The following ATP8B4 variants were observed in gnomAD, a reference collection of about 807,000 sequenced individuals.
ATP8B4 encodes ATPase phospholipid transporting 8B4 (putative).
A neutral mutation model predicts 145.6 loss-of-function variants in ATP8B4; 133 were observed. The observed-to-expected ratio is 0.91, with a 90% CI of 0.79 to 1.05. ATP8B4 has a LOEUF of 1.05. Ranked by LOEUF, ATP8B4 falls within the 50% of genes least tolerant of loss-of-function variation. The pLI, the probability that ATP8B4 is intolerant of heterozygous loss-of-function variation, is 0.00. For missense variants in ATP8B4, 1,458 were observed against 1,425.2 expected, an observed-to-expected ratio of 1.02 and a Z score of -0.37; for synonymous variants, 507 against 492.9, an observed-to-expected ratio of 1.03 and a Z score of -0.38.
At chr15:49,970,833 A>C (rs940766151) in intron 13 of ATP8B4, among the ~76,000 whole-genome samples, 2 of 152,198 alleles carry the variant, frequency 1.3e-5, no homozygotes, top group Non-Finnish European at 2.9e-5. Flanking sequence ...AAGCAAAAAG[A>C]ACAAAGCTGG....
chr15:50,082,855 T>C (rs2054642373), intron 2 of ATP8B4, among the ~76,000 whole-genome samples: 1 of 152,226 alleles, frequency 6.6e-6, no homozygotes, highest in Non-Finnish European at 1.5e-5. Flanking sequence ...AGGTACATGC[T>C]GTTATCAGCC....
At chr15:49,992,088 G>A (rs2047086798) in intron 9 of ATP8B4, among the ~76,000 whole-genome samples, 1 of 152,036 alleles carries the variant, frequency 6.6e-6, no homozygotes. Context: ...TATGACACTG[G>A]GAAAGTTAAT....
chr15:49,936,666 T>G (rs1311867654), intron 14 of ATP8B4, among the ~76,000 whole-genome samples: 1 of 152,166 alleles, frequency 6.6e-6, no homozygotes, highest in African/African-American at 2.4e-5. Flanking sequence ...CTCTTTCAAT[T>G]GGAAGATTTG....
Position 50,172,794 on chromosome 15 carries a change from G to C in ATP8B4, c.-43+9467C>G, listed in dbSNP as rs186195465. On this transcript the variant is annotated intron_variant, in intron 1 of 3. Transcript: ENST00000558829. ...GTGAAGAGCGCCTCTGCCCGGCCGC[G>C]ACCCTGTCTGGGAAATGAGGAGTGT... Among the ~76,000 whole-genome samples, 1,066 of 141,876 alleles carry C rather than the reference G, an allele frequency of 7.5e-3. 32 individuals are homozygous for C. Among genetic ancestry groups the C allele is most frequent in the Admixed American group, 0.054 (785 of 14,428 alleles). The allele number at this position is 141,876 out of a possible 152,430, so 93.1% of individuals were successfully genotyped here.
chr15:49,931,300 C>T lies in ATP8B4; in HGVS notation c.1461G>A (p.Leu487=). 2 of 1,611,822 alleles carry T rather than the reference C, an allele frequency of 1.2e-6. No individual in the cohort carries two copies. Among genetic ancestry groups the T allele is most frequent in the Non-Finnish European group, 1.7e-6 (2 of 1,178,760 alleles). Reference sequence around the variant, plus strand: ...CATCAGGTGACTGAACTTGGTAAATCAGCTCTCCTAAAAGGTAAAGAAACA... The same window carrying T: ...CATCAGGTGACTGAACTTGGTAAATTAGCTCTCCTAAAAGGTAAAGAAACA... ...VMSEENSAGE[L]IYQVQSPDEG... is the part of the protein sequence containing the mutation. Residue 487 remains leucine, a synonymous_variant, in exon 16 of 28, where the codon CTG becomes CTA. Transcript: ENST00000284509.
intron 1 of ATP8B4, among the ~76,000 whole-genome samples, chr15:50,144,703 C>G (rs1305544548): frequency 6.6e-6 from 1 of 151,924 alleles, no homozygotes; most frequent in Non-Finnish European, 1.5e-5. Context: ...TTCACTTCAT[C>G]ATGAAAGAAT....
intron 21 of ATP8B4, among the ~76,000 whole-genome samples, chr15:49,900,811 A>T (rs2037938927): frequency 6.6e-6 from 1 of 152,190 alleles, no homozygotes; most frequent in African/African-American, 2.4e-5. Flanking sequence ...GCACTTAAAT[A>T]ATACTGCTAA....
chr15:49,957,046 A>T lies in ATP8B4; in HGVS notation c.1287+4931T>A, dbSNP rs146433574. On this transcript the variant is annotated intron_variant, in intron 14 of 27. Coordinates refer to ENST00000284509, the MANE Select transcript of ATP8B4 (RefSeq NM_024837.4). ...ATATTACACACTTGACTATGTGAAA[A>T]GATTGCAAAAAAAAAATTGGGAGAA... 1.9e-3 allele frequency among the ~76,000 whole-genome samples: 291 copies of T among 152,294 alleles called. 2 individuals are homozygous for T. Among genetic ancestry groups the T allele is most frequent in the African/African-American group, 6.6e-3 (274 of 41,558 alleles).
In ATP8B4 at chr15:49,859,331, T is replaced by C. The variant is rs2031212464; in HGVS notation, c.*863A>G. The C allele has an allele frequency of 6.6e-6, 1 of 152,228 alleles. No homozygotes were observed. Among genetic ancestry groups the C allele is most frequent in the Admixed American group, 6.5e-5 (1 of 15,282 alleles). The allele number at this position is 152,228 out of a possible 1,614,324, so 9.4% of individuals were successfully genotyped here. ...GTTGAAAATATTTGCCCATAGACTA[T>C]GTGGAATATTATCATTAAAGTGTGA... is the stretch of plus-strand genomic sequence containing the variant. On this transcript the variant is annotated 3_prime_UTR_variant, in exon 28 of 28. Transcript: ENST00000284509.
chr15:50,040,316 G>A (rs904319338), intron 5 of ATP8B4, among the ~76,000 whole-genome samples: 6 of 152,188 alleles, frequency 3.9e-5, no homozygotes, highest in East Asian at 1.9e-4. Flanking sequence ...CCTCAACTAC[G>A]TCTCCAGGTC....
In ATP8B4 at chr15:49,934,153, T is replaced by A; in HGVS notation, c.1317A>T (p.Lys439Asn). The A allele has an allele frequency of 6.2e-7, 1 of 1,611,598 alleles. No homozygotes were observed. Among genetic ancestry groups the A allele is most frequent in the Non-Finnish European group, 8.5e-7 (1 of 1,178,944 alleles). ...ACTGAAATTCTCTATCCGCTTGAGA[T>A]TTGACTGAGAAATCCACAGGCTCTT... is the stretch of plus-strand genomic sequence containing the variant. ...QEKEPVDFSV[K>N]SQADREFQFF... Residue 439 changes from lysine to asparagine, a missense_variant, in exon 15 of 28, where the codon AAA becomes AAT. Lys to Asn is a moderately conservative substitution (Grantham distance 94). Transcript: ENST00000284509.
chr15:49,973,466 T>C lies in ATP8B4; in HGVS notation c.1035-676A>G, dbSNP rs532792969. On this transcript the variant is annotated intron_variant, in intron 12 of 27. Coordinates refer to ENST00000284509, the MANE Select transcript of ATP8B4 (RefSeq NM_024837.4). The stretch of plus-strand genomic sequence containing the variant: ...TATTGAGAACATTCTCTCCAATACA[T>C]TGTTTGATGTGGCTTCACTTTGCCA... Among the ~76,000 whole-genome samples the C allele has an allele frequency of 3.3e-5, 5 of 152,326 alleles. No homozygotes were observed. The East Asian group carries it at 7.7e-4, about 23-fold the overall frequency.
At chr15:49,970,177 C>G (rs375757177) in intron 13 of ATP8B4, among the ~76,000 whole-genome samples, 1 of 152,222 alleles carries the variant, frequency 6.6e-6, no homozygotes, top group East Asian at 1.9e-4. Flanking sequence ...ACTGAATGGG[C>G]AAAAGCTGGA....
intron 19 of ATP8B4, among the ~76,000 whole-genome samples, chr15:49,918,293 T>C (rs897209576): frequency 6.6e-6 from 1 of 152,234 alleles, no homozygotes; most frequent in African/African-American, 2.4e-5. Context: ...TAGACAGTCC[T>C]GGAATTCAGC....
intron 6 of ATP8B4, among the ~76,000 whole-genome samples, chr15:50,026,188 C>A (rs1488322832): frequency 6.6e-6 from 1 of 152,192 alleles, no homozygotes; most frequent in Non-Finnish European, 1.5e-5. Flanking sequence ...GCTGTTAAAT[C>A]TTTTTATCAG....
At chr15:50,016,657 T>C (rs1042949980) in intron 6 of ATP8B4, among the ~76,000 whole-genome samples, 25 of 152,056 alleles carry the variant, frequency 1.6e-4, no homozygotes, top group Non-Finnish European at 3.2e-4. Context: ...CTTTATACCA[T>C]GGCATGATTC....
chr15:50,066,456 G>A (rs906776314), intron 3 of ATP8B4, among the ~76,000 whole-genome samples: 2 of 152,076 alleles, frequency 1.3e-5, no homozygotes, highest in Non-Finnish European at 2.9e-5. Flanking sequence ...TTTAGTTGGT[G>A]CATCTGGTCA....
intron 1 of ATP8B4, among the ~76,000 whole-genome samples, chr15:50,172,296 C>T (rs1017821695): frequency 6.6e-6 from 1 of 152,262 alleles, no homozygotes; most frequent in Admixed American, 6.5e-5. Flanking sequence ...GCGTGCGCCG[C>T]CACGCCTGAC....
chr15:49,864,021 C>T (rs187863656), intron 26 of ATP8B4, among the ~76,000 whole-genome samples: 47 of 152,232 alleles, frequency 3.1e-4, no homozygotes, highest in African/African-American at 1.1e-3. Flanking sequence ...ATACACTGAA[C>T]TTTTCATTTT....
Sources: allele counts gnomAD v4.1 joint callset (sites outside exome capture counted in the v4.1 genomes callset), GRCh38; gene constraint gnomAD v4.1.1; transcripts MANE v1.5; gene names NCBI Gene and HGNC (gene_info 2026-07-23, HGNC 2026-07-21).